The following PDE4D variants were observed in gnomAD, a reference collection of about 807,000 sequenced individuals.
PDE4D encodes phosphodiesterase 4D.
PDE4D carries 24 observed loss-of-function variants against 87.4 expected under a neutral mutation model. The observed-to-expected ratio is 0.27, with a 90% CI of 0.20 to 0.39. The LOEUF (loss-of-function observed/expected upper bound fraction) is 0.39, where lower values mean the gene tolerates loss of function less well. PDE4D is among the 10% of genes least tolerant of loss of function. The probability of loss-of-function intolerance (pLI) is 1.00; values close to 1 mark genes in which losing one functional copy is unlikely to be tolerated. For missense variants in PDE4D, 714 were observed against 1,041.0 expected, an observed-to-expected ratio of 0.69 and a Z score of 4.32; for synonymous variants, 384 against 383.2, an observed-to-expected ratio of 1.00 and a Z score of -0.02.
At chr5:59,761,633 T>C (rs1272148669) in intron 1 of PDE4D, among the ~76,000 whole-genome samples, 1 of 152,036 alleles carries the variant, frequency 6.6e-6, no homozygotes, top group East Asian at 1.9e-4. Flanking sequence ...GGATCATCAG[T>C]ATCATTATCT....
chr5:59,087,978 A>G (rs1365750969), intron 5 of PDE4D, among the ~76,000 whole-genome samples: 1 of 152,148 alleles, frequency 6.6e-6, no homozygotes, highest in Non-Finnish European at 1.5e-5. Context: ...TTTCTGTTTA[A>G]CACCCTCAGT....
intron 1 of PDE4D, among the ~76,000 whole-genome samples, chr5:59,824,610 A>T (rs1360380788): frequency 6.6e-6 from 1 of 152,248 alleles, no homozygotes; most frequent in African/African-American, 2.4e-5. Context: ...CAAAAATCTA[A>T]ATAAATCAAT....
At chr5:59,433,185 A>C (rs1279713960) in intron 1 of PDE4D, among the ~76,000 whole-genome samples, 3 of 152,166 alleles carry the variant, frequency 2.0e-5, no homozygotes, top group African/African-American at 4.8e-5. Flanking sequence ...TTTGCTTCAC[A>C]TAAGAATTTC....
At position 59,356,880 on chromosome 5, in the gene PDE4D, C is replaced by G. The variant is rs190270744; in HGVS notation, c.456-140912G>C. The G allele has an allele frequency of 1.5e-4, 228 of 1,522,050 alleles. 3 individuals are homozygous for G. In the East Asian group the frequency reaches 3.6e-3, roughly 24 times the overall value. 94.3% of individuals were successfully genotyped at this position (1,522,050 alleles called of 1,614,324 possible). On this transcript the variant is annotated intron_variant, in intron 1 of 14. Transcript: ENST00000340635. ...ACGATGCCAAGATCCCCAGGAACCA[C>G]GAGAAGTCAGAGCTGGTGCGGGGCT...
At chr5:59,732,065 T>C (rs1757433911) in intron 1 of PDE4D, among the ~76,000 whole-genome samples, 1 of 152,178 alleles carries the variant, frequency 6.6e-6, no homozygotes, top group Non-Finnish European at 1.5e-5. Flanking sequence ...TCTGTCTAGA[T>C]AGATCACTGC....
intron 1 of PDE4D, among the ~76,000 whole-genome samples, chr5:59,544,445 C>A (rs1195179822): frequency 2.6e-5 from 4 of 152,144 alleles, no homozygotes; most frequent in Non-Finnish European, 5.9e-5. Context: ...CAGGGGACAA[C>A]GTGCCCAGAA....
At chr5:59,824,203 G>A (rs1770044522) in intron 1 of PDE4D, among the ~76,000 whole-genome samples, 1 of 152,068 alleles carries the variant, frequency 6.6e-6, no homozygotes, top group Non-Finnish European at 1.5e-5. Flanking sequence ...CTATCACTTT[G>A]ATGTGTAATC....
chr5:59,300,678 GT>G lies in PDE4D; in HGVS notation c.456-84711del, dbSNP rs1194317693. Among the ~76,000 whole-genome samples, 8 of 151,902 alleles carry G rather than the reference GT, an allele frequency of 5.3e-5. No homozygotes were observed. The East Asian group carries it at 1.2e-3, about 22-fold the overall frequency. On this transcript the variant is annotated intron_variant, in intron 1 of 14. Coordinates refer to ENST00000340635, the MANE Select transcript of PDE4D (RefSeq NM_001104631.2). Reference sequence around the variant, plus strand: ...AGCCTTCTACGAACAAACATGTGAGGTTTCCCCCCCACACCAAGCAGCCAAC... The same window carrying G: ...AGCCTTCTACGAACAAACATGTGAGGTTCCCCCCCACACCAAGCAGCCAAC...
chr5:60,356,224 C>T (rs1759608796), intron 1 of PDE4D, among the ~76,000 whole-genome samples: 1 of 152,154 alleles, frequency 6.6e-6, no homozygotes, highest in Admixed American at 6.5e-5. Flanking sequence ...TTAATATTAA[C>T]AGTGTTCTCA....
intron 1 of PDE4D, among the ~76,000 whole-genome samples, chr5:60,519,705 CT>C (rs1750952518): frequency 1.3e-5 from 2 of 152,182 alleles, no homozygotes; most frequent in Admixed American, 1.3e-4. Context: ...CCAAAAGTGC[CT>C]TTGGAGGAGG....
In PDE4D at chr5:59,397,656, T is replaced by G. The variant is rs577843093; in HGVS notation, c.456-181688A>C. 5.9e-4 allele frequency among the ~76,000 whole-genome samples: 68 copies of G among 114,594 alleles called. 15 individuals are homozygous for G. The highest frequency in any genetic ancestry group is 2.3e-3 in the African/African-American group (65 of 28,108). 75.2% of individuals were successfully genotyped at this position (114,594 alleles called of 152,430 possible). Reference sequence around the variant, plus strand: ...AAGATCCAAAATTGACACCCTAACATCACAAGTAAAAGAACTAGAAAAGCA... The same window carrying G: ...AAGATCCAAAATTGACACCCTAACAGCACAAGTAAAAGAACTAGAAAAGCA... On this transcript the variant is annotated intron_variant, in intron 1 of 14. Transcript: ENST00000340635.
At chr5:59,593,767 T>G (rs1826248238) in intron 1 of PDE4D, among the ~76,000 whole-genome samples, 1 of 152,058 alleles carries the variant, frequency 6.6e-6, no homozygotes. Flanking sequence ...AGAGGCTGAG[T>G]GCAGGCAAGT....
chr5:60,341,678 C>T (rs1758331625), intron 1 of PDE4D, among the ~76,000 whole-genome samples: 1 of 152,120 alleles, frequency 6.6e-6, no homozygotes, highest in Non-Finnish European at 1.5e-5. Context: ...AGAGCGTTTC[C>T]CAAGCAAAAA....
At chr5:60,457,010 T>C (rs150225326) in intron 1 of PDE4D, among the ~76,000 whole-genome samples, 2 of 152,276 alleles carry the variant, frequency 1.3e-5, no homozygotes, top group Non-Finnish European at 2.9e-5. Context: ...GTCGAATAGG[T>C]CATCTACCCA....
At chr5:60,311,222 A>G (rs1241029872) in intron 1 of PDE4D, among the ~76,000 whole-genome samples, 1 of 152,156 alleles carries the variant, frequency 6.6e-6, no homozygotes, top group African/African-American at 2.4e-5. Context: ...GGGTTTCTCC[A>G]TGTTGGTCAG....
At chr5:60,189,000 A>T (rs1002187941) in intron 1 of PDE4D, among the ~76,000 whole-genome samples, 2 of 152,232 alleles carry the variant, frequency 1.3e-5, no homozygotes, top group Admixed American at 6.5e-5. Flanking sequence ...CAGTTATCTT[A>T]GTTCCTGCAA....
chr5:59,830,249 C>T (rs1581306212), intron 1 of PDE4D, among the ~76,000 whole-genome samples: 3 of 152,174 alleles, frequency 2.0e-5, no homozygotes, highest in East Asian at 3.9e-4. Context: ...AGTGTTCCAG[C>T]ACCTCATTTG....
chr5:59,759,185 T>C (rs966943641), intron 1 of PDE4D, among the ~76,000 whole-genome samples: 4 of 152,200 alleles, frequency 2.6e-5, no homozygotes, highest in Non-Finnish European at 5.9e-5. Context: ...CCTTTAGTTA[T>C]CTGAATACAT....
At chr5:60,280,384 A>G (rs768834481) in intron 1 of PDE4D, among the ~76,000 whole-genome samples, 12 of 151,690 alleles carry the variant, frequency 7.9e-5, no homozygotes, top group African/African-American at 2.2e-4. Flanking sequence ...ATTTAGCAGG[A>G]GGAATAGGGA....
Sources: allele counts gnomAD v4.1 joint callset (sites outside exome capture counted in the v4.1 genomes callset), GRCh38; gene constraint gnomAD v4.1.1; transcripts MANE v1.5; gene names NCBI Gene and HGNC (gene_info 2026-07-23, HGNC 2026-07-21).